NCALD: variants seen among roughly 807,000 people sequenced by gnomAD.
NCALD encodes the protein neurocalcin delta.
A neutral mutation model predicts 18.6 loss-of-function variants in NCALD; 10 were observed. That is an observed-to-expected ratio of 0.54 (90% CI 0.33 to 0.91). The LOEUF (loss-of-function observed/expected upper bound fraction) is 0.91. NCALD is among the 40% of genes least tolerant of loss of function. NCALD has a pLI of 0.03. For missense variants in NCALD, 184 were observed against 247.6 expected (o/e 0.74, Z 1.72); for synonymous variants, 88 against 87.4 (o/e 1.01, Z -0.04).
intron 4 of NCALD, among the ~76,000 whole-genome samples, chr8:101,801,449 G>T (rs1409321253): frequency 6.6e-6 from 1 of 151,512 alleles, no homozygotes; most frequent in Non-Finnish European, 1.5e-5. Flanking sequence ...TTGGCTACAT[G>T]CTGGGCCACA....
intron 2 of NCALD, among the ~76,000 whole-genome samples, chr8:101,958,748 GT>G (rs1819728924): frequency 6.6e-6 from 1 of 152,098 alleles, no homozygotes; most frequent in African/African-American, 2.4e-5. Flanking sequence ...TGGATACCTG[GT>G]TTCAGAGCTA....
intron 1 of NCALD, among the ~76,000 whole-genome samples, chr8:102,112,233 T>C (rs1469805621): frequency 2.6e-5 from 4 of 152,176 alleles, no homozygotes; most frequent in Admixed American, 2.0e-4. Flanking sequence ...GCATGTGTTA[T>C]TCTACTTAAC....
chr8:101,722,758 CTAT>C (rs1168148597), intron 1 of NCALD, among the ~76,000 whole-genome samples: 1 of 152,156 alleles, frequency 6.6e-6, no homozygotes, highest in Non-Finnish European at 1.5e-5. Context: ...CTGTGTGCAG[CTAT>C]TTTTTGGTAA....
chr8:101,760,689 GC>G (rs1184592199), intron 1 of NCALD, among the ~76,000 whole-genome samples: 1 of 152,182 alleles, frequency 6.6e-6, no homozygotes, highest in Non-Finnish European at 1.5e-5. Flanking sequence ...TTGAGGTGTG[GC>G]TATAGCCTAT....
chr8:102,031,172 G>A (rs1213686782), intron 1 of NCALD, among the ~76,000 whole-genome samples: 3 of 152,066 alleles, frequency 2.0e-5, no homozygotes. Flanking sequence ...GAAATACAGA[G>A]GAACACAATG....
intron 1 of NCALD, among the ~76,000 whole-genome samples, chr8:101,769,506 C>G (rs552972895): frequency 3.3e-5 from 5 of 152,104 alleles, no homozygotes; most frequent in Non-Finnish European, 5.9e-5. Context: ...GGAAAATAAC[C>G]TAGGCGTGCC....
chr8:101,712,532 C>A (rs1460505348), intron 2 of NCALD, among the ~76,000 whole-genome samples: 2 of 130,246 alleles, frequency 1.5e-5, no homozygotes, highest in African/African-American at 5.7e-5. Context: ...CATGCAAAGA[C>A]ACACATAGGC....
chr8:101,973,756 C>T (rs868146457), intron 2 of NCALD, among the ~76,000 whole-genome samples: 3 of 152,136 alleles, frequency 2.0e-5, no homozygotes, highest in African/African-American at 4.8e-5. Context: ...AAGCTTCTAA[C>T]GTTGCAGAGC....
chr8:102,009,102 G>T (rs1035483866), intron 2 of NCALD, among the ~76,000 whole-genome samples: 2 of 152,204 alleles, frequency 1.3e-5, no homozygotes, highest in Admixed American at 6.5e-5. Flanking sequence ...TTACTCCATT[G>T]TGGCTCAAAT....
At chr8:102,047,195 G>A (rs760667118) in intron 1 of NCALD, among the ~76,000 whole-genome samples, 21 of 152,020 alleles carry the variant, frequency 1.4e-4, no homozygotes, top group African/African-American at 2.9e-4. Flanking sequence ...TAGGTACTGC[G>A]TTTTCTTTAT....
chr8:102,067,383 C>T (rs1217606167), intron 1 of NCALD, among the ~76,000 whole-genome samples: 2 of 152,168 alleles, frequency 1.3e-5, no homozygotes, highest in African/African-American at 2.4e-5. Context: ...CTTAACCTTG[C>T]TGTTGTTGTT....
chr8:102,014,357 T>C (rs545986436), intron 2 of NCALD, among the ~76,000 whole-genome samples: 19 of 152,246 alleles, frequency 1.2e-4, no homozygotes, highest in African/African-American at 4.3e-4. Flanking sequence ...ATGAATTCCA[T>C]TCATGAGGGC....
At chr8:101,914,365 C>T (rs1817905732) in intron 3 of NCALD, among the ~76,000 whole-genome samples, 1 of 152,136 alleles carries the variant, frequency 6.6e-6, no homozygotes. Flanking sequence ...TCAAGGGTAC[C>T]TACTACCAAT....
intron 2 of NCALD, among the ~76,000 whole-genome samples, chr8:101,703,824 C>G (rs1176787971): frequency 1.3e-5 from 2 of 152,128 alleles, no homozygotes; most frequent in East Asian, 3.9e-4. Context: ...TGTGGCAGGT[C>G]TCCCTCAAGT....
chr8:102,063,423 C>G (rs1260220785), intron 1 of NCALD, among the ~76,000 whole-genome samples: 1 of 152,084 alleles, frequency 6.6e-6, no homozygotes, highest in Admixed American at 6.6e-5. Context: ...GACCAATGCT[C>G]CAGAAAATCC....
chr8:102,008,001 C>T (rs1377541775), intron 2 of NCALD, among the ~76,000 whole-genome samples: 1 of 152,214 alleles, frequency 6.6e-6, no homozygotes, highest in African/African-American at 2.4e-5. Context: ...CTAAGCTTCC[C>T]CCTCTATACC....
chr8:102,034,804 G>A (rs1400472108), intron 1 of NCALD, among the ~76,000 whole-genome samples: 6 of 152,212 alleles, frequency 3.9e-5, no homozygotes, highest in Admixed American at 3.3e-4. Flanking sequence ...AGCAGGGACT[G>A]TCTTAAACGT....
chr8:102,062,494 T>G (rs911210887), intron 1 of NCALD, among the ~76,000 whole-genome samples: 21 of 152,212 alleles, frequency 1.4e-4, no homozygotes, highest in Admixed American at 1.3e-4. Flanking sequence ...GACTAGCACA[T>G]AGTAAGTGCT....
intron 3 of NCALD, among the ~76,000 whole-genome samples, chr8:101,895,160 C>A (rs916914824): frequency 2.0e-5 from 3 of 151,122 alleles, no homozygotes; most frequent in Admixed American, 2.0e-4. Flanking sequence ...ACAAGCTTAT[C>A]CACCATGATC....
Sources: gnomAD v4.1 joint callset for allele counts (sites outside exome capture counted in the v4.1 genomes callset) on GRCh38, gnomAD v4.1.1 for gene constraint, MANE v1.5 for transcripts, NCBI Gene and HGNC (gene_info 2026-07-23, HGNC 2026-07-21) for gene names.